DNAJC18: variants seen among roughly 807,000 people sequenced by gnomAD.
DNAJC18 encodes the protein DnaJ heat shock protein family (Hsp40) member C18.
In DNAJC18, 40 loss-of-function variants were observed where a neutral mutation model predicts 48.6. The ratio of observed to expected loss-of-function variants is 0.82; its 90% CI spans 0.64 to 1.07. The LOEUF is 1.07. Among genes scored for constraint, DNAJC18 ranks in the 50% least tolerant of loss-of-function variants. DNAJC18 has a pLI of 0.00. For missense variants in DNAJC18, 340 were observed against 427.7 expected (o/e 0.79, Z 1.81); for synonymous variants, 135 against 152.2 (o/e 0.89, Z 0.83).
At chr5:139,422,637 G>T in intron 6 of DNAJC18, 71 bp downstream of exon 6, 2 of 1,121,084 alleles carry the variant, frequency 1.8e-6, no homozygotes, top group Non-Finnish European at 2.6e-6. Context: ...TGTTAGTAAT[G>T]TATCAGCAAA....
Position 139,424,784 on chromosome 5 carries a change from A to AT in DNAJC18, c.669+220dup, listed in dbSNP as rs1759210199. On this transcript the variant is annotated intron_variant, in intron 5 of 7. Coordinates refer to ENST00000302060, the MANE Select transcript of DNAJC18 (RefSeq NM_152686.4). ...GAAGTCAGCCCCACAGATTGCTGAG[A>AT]TTCTGGGAGAGCCACCCAAGAATGG... Among the ~76,000 whole-genome samples the AT allele has an allele frequency of 2.1e-5, 3 of 143,254 alleles. No homozygotes were observed. In the South Asian group the frequency reaches 7.1e-4, roughly 34 times the overall value. The allele number at this position is 143,254 out of a possible 152,430, so 94.0% of individuals were successfully genotyped here.
chr5:139,424,740 A>T (rs956223580), intron 5 of DNAJC18, among the ~76,000 whole-genome samples: 11 of 149,300 alleles, frequency 7.4e-5, no homozygotes, highest in Admixed American at 6.7e-5. Context: ...AAAAAAAAAA[A>T]AAAAAAAAAA....
chr5:139,418,178 G>A (rs1437079704), intron 7 of DNAJC18, among the ~76,000 whole-genome samples: 1 of 152,092 alleles, frequency 6.6e-6, no homozygotes, highest in South Asian at 2.1e-4. Flanking sequence ...TGTATATACT[G>A]CCTTTTTATT....
chr5:139,439,424 C>A lies in DNAJC18; in HGVS notation c.22G>T (p.Gly8Trp). ...CTAGTACCTTCCGTCCAGCGCTCCC[C>A]GCTGCCCAGAGTCGCCGCCATATCG... MAATLGSGERWTEAYIDA... is the reference protein window; with the variant it reads MAATLGSWERWTEAYIDA... The change falls in exon 1 of 8, where the codon GGG becomes TGG. Residue 8 changes from glycine (G) to tryptophan (W), a missense_variant. Physicochemically the swap from Gly to Trp is radical, Grantham distance 184. Coordinates refer to ENST00000302060, the MANE Select transcript of DNAJC18 (RefSeq NM_152686.4). This position sits in a 1 kb window ranked among gnomAD's most constrained non-coding sequence, Gnocchi z 4.1. 1 of 1,613,926 alleles carries A rather than the reference C, an allele frequency of 6.2e-7. No homozygotes were observed. The highest frequency in any genetic ancestry group is 8.5e-7 in the Non-Finnish European group (1 of 1,180,010).
intron 2 of DNAJC18, among the ~76,000 whole-genome samples, chr5:139,436,515 CTTTTTTTT>C (rs57926576): frequency 1.3e-4 from 9 of 67,636 alleles, no homozygotes; most frequent in African/African-American, 3.0e-4. Context: ...ATCCCTCTTT[CTTTTTTTT>C]TTTTTTTTTT....
chr5:139,435,921 G>A (rs1279508374), intron 2 of DNAJC18, among the ~76,000 whole-genome samples: 1 of 151,106 alleles, frequency 6.6e-6, no homozygotes, highest in East Asian at 1.9e-4. Flanking sequence ...ATGAAGTTTC[G>A]CCATGTTGGC....
rs933741884 is a variant in DNAJC18 at position 139,411,407 on chromosome 5, G to C, written c.*2741C>G. 6.6e-5 allele frequency: 10 copies of C among 152,238 alleles called. No individual in the cohort carries two copies. The highest frequency in any genetic ancestry group is 2.4e-4 in the African/African-American group (10 of 41,452). The allele number at this position is 152,238 out of a possible 1,614,324, so 9.4% of individuals were successfully genotyped here. A position where few individuals can be genotyped will look rare whatever the true frequency, so the allele number is the denominator to read the frequency against. On this transcript the variant is annotated 3_prime_UTR_variant, in exon 8 of 8. Transcript: ENST00000302060. ...TCTCCAATCTGCAGTAATGCTCAAAGAAACAGTCTAGAGCTGGGTGCCAAG... is the reference window on the plus strand; with the variant it reads ...TCTCCAATCTGCAGTAATGCTCAAACAAACAGTCTAGAGCTGGGTGCCAAG...
intron 6 of DNAJC18, among the ~76,000 whole-genome samples, chr5:139,422,080 C>T (rs911710318): frequency 6.6e-6 from 1 of 152,128 alleles, no homozygotes; most frequent in African/African-American, 2.4e-5. Flanking sequence ...GTCCTACCCC[C>T]AGAGCCTCTA....
intron 7 of DNAJC18, among the ~76,000 whole-genome samples, chr5:139,416,953 C>T (rs1024912112): frequency 3.3e-5 from 5 of 152,124 alleles, no homozygotes; most frequent in African/African-American, 1.2e-4. Context: ...CTTCGGAGGC[C>T]GAGGTGGGCG....
At chr5:139,426,142 GT>G (rs778865748) in intron 4 of DNAJC18, 29 bp downstream of exon 4, 1 of 1,602,536 alleles carries the variant, frequency 6.2e-7, no homozygotes, top group Non-Finnish European at 8.5e-7. Flanking sequence ...AAAGAAATAT[GT>G]TTAAGAATGA....
intron 2 of DNAJC18, among the ~76,000 whole-genome samples, chr5:139,434,720 C>T (rs531813378): frequency 6.6e-6 from 1 of 151,342 alleles, no homozygotes; most frequent in East Asian, 1.9e-4. Context: ...GTAACTTTGT[C>T]CAACTTGTTT....
chr5:139,434,527 C>T (rs1307044408), intron 2 of DNAJC18, among the ~76,000 whole-genome samples: 1 of 152,040 alleles, frequency 6.6e-6, no homozygotes, highest in South Asian at 2.1e-4. Context: ...CTCGCTATGT[C>T]GCTCAGGCTC....
chr5:139,435,999 C>T (rs1180472960), intron 2 of DNAJC18, among the ~76,000 whole-genome samples: 1 of 151,620 alleles, frequency 6.6e-6, no homozygotes, highest in African/African-American at 2.4e-5. Flanking sequence ...AATGGGATTA[C>T]AGGCATGAGT....
chr5:139,431,876 A>C (rs11242467), intron 2 of DNAJC18, among the ~76,000 whole-genome samples: 76,697 of 152,074 alleles, frequency 0.5, 22,638 homozygotes, highest in Non-Finnish European at 0.67. Flanking sequence ...TTGACTATAG[A>C]CATTCCAGTG....
intron 2 of DNAJC18, among the ~76,000 whole-genome samples, chr5:139,432,764 G>C (rs555099797): frequency 2.6e-4 from 40 of 152,300 alleles, no homozygotes; most frequent in African/African-American, 3.9e-4. Context: ...CAACCAAAAG[G>C]CTGGCAGCTG....
At chr5:139,434,671 T>G (rs1561470054) in intron 2 of DNAJC18, among the ~76,000 whole-genome samples, 1 of 152,202 alleles carries the variant, frequency 6.6e-6, no homozygotes, top group Admixed American at 6.5e-5. Context: ...TGCTAGTATA[T>G]AGAAAAATGA....
At chr5:139,414,698 A>T (rs1350823669) in intron 7 of DNAJC18, among the ~76,000 whole-genome samples, 1 of 152,250 alleles carries the variant, frequency 6.6e-6, no homozygotes, top group African/African-American at 2.4e-5. Context: ...TTGCTGCATC[A>T]TAACTCACAT....
intron 2 of DNAJC18, among the ~76,000 whole-genome samples, chr5:139,435,705 G>GTTTTTTTTTTTTTTTTTATTTTT (rs1750628797): frequency 2.4e-5 from 1 of 41,194 alleles, no homozygotes; most frequent in African/African-American, 1.1e-4. Flanking sequence ...TTCATTGGAA[G>GTTTTTTTTTTTTTTTTTATTTTT]TTTTTTTTTT....
At chr5:139,414,495 C>G (rs1018961416) in intron 7 of DNAJC18, among the ~76,000 whole-genome samples, 3 of 152,232 alleles carry the variant, frequency 2.0e-5, no homozygotes, top group African/African-American at 7.2e-5. Flanking sequence ...TATCTGTGCT[C>G]TCTTATAAAA....
Sources: gnomAD v4.1 joint callset for allele counts (sites outside exome capture counted in the v4.1 genomes callset) on GRCh38, gnomAD v4.1.1 for gene constraint, Gnocchi (gnomAD v3.1) non-coding constraint, MANE v1.5 for transcripts, NCBI Gene and HGNC (gene_info 2026-07-23, HGNC 2026-07-21) for gene names.